Variants in AGBL1 observed in about 807,000 individuals in gnomAD.
AGBL1 encodes the protein cytosolic carboxypeptidase 4.
AGBL1 carries 130 observed loss-of-function variants against 118.9 expected under a neutral mutation model. The observed-to-expected ratio is 1.09, with a 90% CI of 0.95 to 1.26. The LOEUF (loss-of-function observed/expected upper bound fraction) is 1.26, where lower values mean the gene tolerates loss of function less well. Among genes scored for constraint, AGBL1 ranks in the 50% most tolerant of loss-of-function variants. The pLI, the probability that AGBL1 is intolerant of heterozygous loss-of-function variation, is 0.00. For synonymous variants in AGBL1, 555 were observed against 478.9 expected, an observed-to-expected ratio of 1.16 and a Z score of -2.08; for missense variants, 1,584 against 1,298.1, an observed-to-expected ratio of 1.22 and a Z score of -3.38.
chr15:86,264,951 G>A (rs1315016229), intron 11 of AGBL1, 113 bp downstream of exon 11: 2 of 1,065,408 alleles, frequency 1.9e-6, no homozygotes, highest in African/African-American at 1.6e-5. Flanking sequence ...CATTAATCAG[G>A]AACATGTCAA....
intron 22 of AGBL1, among the ~76,000 whole-genome samples, chr15:86,702,261 G>C (rs2086373261): frequency 6.6e-6 from 1 of 152,020 alleles, no homozygotes; most frequent in Non-Finnish European, 1.5e-5. Flanking sequence ...GAACTGACAA[G>C]CAATGTGAAT....
intron 9 of AGBL1, among the ~76,000 whole-genome samples, chr15:86,259,715 C>T (rs1443665867): frequency 6.6e-6 from 1 of 152,200 alleles, no homozygotes; most frequent in South Asian, 2.1e-4. Context: ...CTTGATGGTG[C>T]AGGCCTATGG....
intron 22 of AGBL1, among the ~76,000 whole-genome samples, chr15:86,847,310 TTTC>T (rs2079333969): frequency 6.6e-6 from 1 of 152,224 alleles, no homozygotes; most frequent in African/African-American, 2.4e-5. Flanking sequence ...AGGGTCATAC[TTTC>T]TTCTTTCTTT....
At chr15:87,008,994 A>G (rs2081531827) in intron 24 of AGBL1, among the ~76,000 whole-genome samples, 1 of 152,214 alleles carries the variant, frequency 6.6e-6, no homozygotes, top group Non-Finnish European at 1.5e-5. Flanking sequence ...CAGCCTGACA[A>G]TGCGATAGAA....
intron 22 of AGBL1, among the ~76,000 whole-genome samples, chr15:86,801,966 G>A (rs1343039358): frequency 6.6e-6 from 1 of 152,104 alleles, no homozygotes; most frequent in East Asian, 1.9e-4. Context: ...AACAACTTAT[G>A]GATGCTATTA....
At chr15:86,452,151 C>T (rs970247001) in intron 18 of AGBL1, among the ~76,000 whole-genome samples, 3 of 152,150 alleles carry the variant, frequency 2.0e-5, no homozygotes, top group Non-Finnish European at 4.4e-5. Context: ...GACTCATCTC[C>T]TAACATTCCT....
intron 18 of AGBL1, among the ~76,000 whole-genome samples, chr15:86,513,913 C>G (rs987047005): frequency 6.6e-6 from 1 of 152,024 alleles, no homozygotes; most frequent in African/African-American, 2.4e-5. Context: ...AAAAATACTT[C>G]CTTATTTTTT....
Position 86,838,666 on chromosome 15 carries a change from A to G in AGBL1, c.3159-68421A>G, listed in dbSNP as rs556804753. Among the ~76,000 whole-genome samples the G allele has an allele frequency of 6.7e-4, 102 of 152,210 alleles. 1 individual carries two copies. The highest frequency in any genetic ancestry group is 2.4e-3 in the African/African-American group (98 of 41,544). On this transcript the variant is annotated intron_variant, in intron 22 of 22. Transcript: ENST00000614907. ...CATGATGAGAATACAGCAGCCAGGCATGGTAGCTCATGCCTGTAATCCCAG... is the reference window on the plus strand; with the variant it reads ...CATGATGAGAATACAGCAGCCAGGCGTGGTAGCTCATGCCTGTAATCCCAG...
intron 22 of AGBL1, among the ~76,000 whole-genome samples, chr15:86,894,326 G>A (rs1184856232): frequency 1.3e-5 from 2 of 152,160 alleles, no homozygotes; most frequent in Non-Finnish European, 1.5e-5. Flanking sequence ...AGGGAGGAGA[G>A]AGAGAGAATA....
intron 5 of AGBL1, among the ~76,000 whole-genome samples, chr15:86,171,341 A>G (rs578072613): frequency 6.7e-6 from 1 of 149,426 alleles, no homozygotes; most frequent in Admixed American, 6.7e-5. Context: ...TAAAATTAAA[A>G]TATATGACAA....
chr15:86,989,862 A>G (rs994729199), intron 24 of AGBL1, among the ~76,000 whole-genome samples: 23 of 152,198 alleles, frequency 1.5e-4, no homozygotes, highest in Admixed American at 7.2e-4. Context: ...TTTCCAGGCA[A>G]TGGAATTGGC....
intron 22 of AGBL1, among the ~76,000 whole-genome samples, chr15:86,883,452 G>C (rs2079924362): frequency 6.6e-6 from 1 of 152,160 alleles, no homozygotes; most frequent in Admixed American, 6.5e-5. Context: ...TCCCTGTAGT[G>C]TCCATTCTTT....
chr15:86,582,993 C>T (rs1186587493), intron 21 of AGBL1, among the ~76,000 whole-genome samples: 1 of 151,632 alleles, frequency 6.6e-6, no homozygotes, highest in African/African-American at 2.4e-5. Context: ...CACACATACC[C>T]TAAAACTTAA....
At chr15:86,271,042 C>CCT (rs1567169858) in intron 14 of AGBL1, among the ~76,000 whole-genome samples, 1 of 66,688 alleles carries the variant, frequency 1.5e-5, no homozygotes. Context: ...AGTCACGTTG[C>CCT]ATTTTTTTTT....
rs532594208 is a variant in AGBL1, at chr15:86,122,504, A to G, written c.52-19500A>G. On this transcript the variant is annotated intron_variant, in intron 1 of 22. Transcript: ENST00000614907. ...TGCAGAAACATGGCATGCATCACTTAAGTGATAAACCAAGTGAAGACATCA... is the reference window on the plus strand; with the variant it reads ...TGCAGAAACATGGCATGCATCACTTGAGTGATAAACCAAGTGAAGACATCA... 2.6e-5 allele frequency among the ~76,000 whole-genome samples: 4 copies of G among 152,312 alleles called. No homozygotes were observed. In the South Asian group the frequency reaches 8.3e-4, roughly 32 times the overall value.
At chr15:86,096,483 T>C (rs1298335837) in intron 1 of AGBL1, among the ~76,000 whole-genome samples, 1 of 152,186 alleles carries the variant, frequency 6.6e-6, no homozygotes, top group African/African-American at 2.4e-5. Flanking sequence ...GTTTTTTACC[T>C]TTCAAAAAAA....
chr15:86,568,113 A>G (rs1223718436), intron 21 of AGBL1, among the ~76,000 whole-genome samples: 2 of 152,102 alleles, frequency 1.3e-5, no homozygotes, highest in East Asian at 3.9e-4. Flanking sequence ...TAATTCTACT[A>G]CAAGAAACTG....
intron 22 of AGBL1, among the ~76,000 whole-genome samples, chr15:86,803,120 A>C (rs779953931): frequency 5.3e-5 from 8 of 152,146 alleles, no homozygotes; most frequent in Non-Finnish European, 1.0e-4. Context: ...AAGGAGCATC[A>C]TGTATAGCAC....
chr15:86,276,839 A>C (rs2079260460), intron 15 of AGBL1, among the ~76,000 whole-genome samples: 1 of 152,214 alleles, frequency 6.6e-6, no homozygotes, highest in African/African-American at 2.4e-5. Flanking sequence ...AACGAAAAGA[A>C]CTTGTTGATG....
Sources: allele counts gnomAD v4.1 joint callset (sites outside exome capture counted in the v4.1 genomes callset), GRCh38; gene constraint gnomAD v4.1.1; transcripts MANE v1.5; gene names NCBI Gene and HGNC (gene_info 2026-07-23, HGNC 2026-07-21).